The following ATP6V1G3 variants were observed in gnomAD, a reference collection of about 807,000 sequenced individuals.
ATP6V1G3 encodes V-type proton ATPase subunit G 3.
Under a neutral mutation model 9.3 loss-of-function variants are expected in ATP6V1G3, and 9 were observed. The observed-to-expected ratio is 0.97, with a 90% CI of 0.59 to 1.69. The LOEUF (loss-of-function observed/expected upper bound fraction) is 1.69. Among genes scored for constraint, ATP6V1G3 ranks in the 40% most tolerant of loss-of-function variants. The pLI, the probability that ATP6V1G3 is intolerant of heterozygous loss-of-function variation, is 0.00. For synonymous variants in ATP6V1G3, 43 were observed against 43.8 expected (o/e 0.98, Z 0.07); for missense variants, 133 against 139.0 (o/e 0.96, Z 0.22).
At chr1:198,535,665 G>A (rs965849204) in intron 1 of ATP6V1G3, among the ~76,000 whole-genome samples, 10 of 151,986 alleles carry the variant, frequency 6.6e-5, no homozygotes, top group African/African-American at 2.4e-4. Context: ...CCTTCTATAT[G>A]CCAAGTGGTG....
chr1:198,536,768 C>T (rs1294421502), intron 1 of ATP6V1G3: 1 of 1,406,380 alleles, frequency 7.1e-7, no homozygotes, highest in Non-Finnish European at 1.0e-6. Context: ...TCATTCTAGT[C>T]TATATCATTC....
intron 2 of ATP6V1G3, among the ~76,000 whole-genome samples, chr1:198,526,684 G>A (rs951107294): frequency 6.6e-6 from 1 of 152,090 alleles, no homozygotes; most frequent in African/African-American, 2.4e-5. Flanking sequence ...CAGAGCTTCA[G>A]GTCCCATCAC....
chr1:198,526,198 A>G (rs1287899490), intron 2 of ATP6V1G3, among the ~76,000 whole-genome samples: 7 of 152,216 alleles, frequency 4.6e-5, no homozygotes, highest in Non-Finnish European at 1.0e-4. Context: ...TTCCTAGGGA[A>G]GAATTCCATA....
intron 2 of ATP6V1G3, among the ~76,000 whole-genome samples, chr1:198,528,155 A>G (rs1659738978): frequency 6.6e-6 from 1 of 152,140 alleles, no homozygotes; most frequent in Non-Finnish European, 1.5e-5. Context: ...CTTGTTTGCA[A>G]ACATTGATAA....
In ATP6V1G3 at chr1:198,523,574, C is replaced by G. The variant is rs1267506226; in HGVS notation, c.184-10G>C. On this transcript the variant is annotated splice_polypyrimidine_tract_variant and intron_variant, in intron 2 of 2. Coordinates refer to ENST00000367382, the MANE Select transcript of ATP6V1G3 (RefSeq NM_001376861.1). ...TCTGAGAGCCCATTATCTACCAAAACAAAACAGACAGAATTCACATCATAA... is the reference window on the plus strand; with the variant it reads ...TCTGAGAGCCCATTATCTACCAAAAGAAAACAGACAGAATTCACATCATAA... The G allele has an allele frequency of 2.5e-6, 4 of 1,606,856 alleles. No homozygotes were observed. The highest frequency in any genetic ancestry group is 3.4e-6 in the Non-Finnish European group (4 of 1,177,024).
chr1:198,532,169 A>G (rs1298426320), intron 1 of ATP6V1G3, among the ~76,000 whole-genome samples: 1 of 152,192 alleles, frequency 6.6e-6, no homozygotes, highest in African/African-American at 2.4e-5. Context: ...GGGCCTGTAT[A>G]TATGCTAGTT....
chr1:198,526,451 T>A (rs552226668), intron 2 of ATP6V1G3, among the ~76,000 whole-genome samples: 1 of 152,272 alleles, frequency 6.6e-6, no homozygotes, highest in South Asian at 2.1e-4. Flanking sequence ...GTTACCTGAA[T>A]GTTTGGGAGA....
chr1:198,531,308 T>A (rs1466653537), intron 1 of ATP6V1G3, among the ~76,000 whole-genome samples: 1 of 152,170 alleles, frequency 6.6e-6, no homozygotes, highest in African/African-American at 2.4e-5. Context: ...ACTGTTCTGT[T>A]AGAGGTGAAA....
In ATP6V1G3 at chr1:198,535,589, G is replaced by A. The variant is rs565394613; in HGVS notation, c.82+4980C>T. Reference sequence around the variant, plus strand: ...AAGAAATCTCCAGGACTTTTTTGCTGTTTTTGCAACAAAATTCTTTTTATT... The same window carrying A: ...AAGAAATCTCCAGGACTTTTTTGCTATTTTTGCAACAAAATTCTTTTTATT... On this transcript the variant is annotated intron_variant, in intron 1 of 2. Transcript: ENST00000367382. Among the ~76,000 whole-genome samples, 428 of 152,018 alleles carry A rather than the reference G, an allele frequency of 2.8e-3. 1 individual carries two copies. The highest frequency in any genetic ancestry group is 4.1e-3 in the Non-Finnish European group (278 of 67,950).
At chr1:198,532,086 C>A (rs2103137733) in intron 1 of ATP6V1G3, among the ~76,000 whole-genome samples, 1 of 152,138 alleles carries the variant, frequency 6.6e-6, no homozygotes, top group Non-Finnish European at 1.5e-5. Context: ...ATGCAGACGA[C>A]AGCTGGGGAG....
chr1:198,528,450 C>A (rs1163688233), intron 2 of ATP6V1G3, among the ~76,000 whole-genome samples: 1 of 151,930 alleles, frequency 6.6e-6, no homozygotes, highest in Non-Finnish European at 1.5e-5. Flanking sequence ...TTCTTTTAGC[C>A]CATGTTGCAA....
At chr1:198,525,276 G>A (rs191514532) in intron 2 of ATP6V1G3, among the ~76,000 whole-genome samples, 2 of 152,174 alleles carry the variant, frequency 1.3e-5, no homozygotes, top group East Asian at 3.9e-4. Context: ...TAAATTCAGT[G>A]TCTTCTAGTG....
chr1:198,524,342 C>G (rs1659575133), intron 2 of ATP6V1G3, among the ~76,000 whole-genome samples: 1 of 151,994 alleles, frequency 6.6e-6, no homozygotes, highest in South Asian at 2.1e-4. Flanking sequence ...CCAGGCTGGT[C>G]TCGAACTCCT....
At chr1:198,531,990 G>C (rs1044634862) in intron 1 of ATP6V1G3, among the ~76,000 whole-genome samples, 3 of 152,068 alleles carry the variant, frequency 2.0e-5, no homozygotes, top group African/African-American at 7.2e-5. Context: ...AAAAGGCAAG[G>C]GGTAAAGCGT....
intron 1 of ATP6V1G3, chr1:198,536,629 C>A: frequency 1.4e-6 from 2 of 1,467,314 alleles, no homozygotes; most frequent in Non-Finnish European, 1.9e-6. Context: ...TAAATATAAC[C>A]TGTAATCAGT....
At chr1:198,527,296 T>C (rs1274528167) in intron 2 of ATP6V1G3, among the ~76,000 whole-genome samples, 5 of 152,176 alleles carry the variant, frequency 3.3e-5, no homozygotes, top group African/African-American at 7.2e-5. Context: ...GACCTTTCTA[T>C]GTGAGCTTTT....
At chr1:198,527,820 T>C (rs1268730908) in intron 2 of ATP6V1G3, among the ~76,000 whole-genome samples, 1 of 152,120 alleles carries the variant, frequency 6.6e-6, no homozygotes, top group Non-Finnish European at 1.5e-5. Context: ...CAGATAATGC[T>C]AAGTGCTATG....
rs371673303 is a variant in ATP6V1G3, at chr1:198,540,639, C to T, written c.12G>A (p.Gln4=). The change falls in exon 1 of 3, where the codon CAG becomes CAA. Residue 4 remains glutamine (Q), a synonymous_variant. Transcript: ENST00000367382. The part of the protein sequence containing the change: MTS[Q]SQGIHQLLQA... ...GAAGAAGCTGGTGGATCCCCTGAGA[C>T]TGGCTTGTCATGGTAGTCTGCTCCA... 3 of 1,613,942 alleles carry T rather than the reference C, an allele frequency of 1.9e-6. No individual in the cohort carries two copies. Among genetic ancestry groups the T allele is most frequent in the African/African-American group, 2.7e-5 (2 of 74,922 alleles).
intron 1 of ATP6V1G3, among the ~76,000 whole-genome samples, chr1:198,531,311 A>C (rs1659889643): frequency 6.6e-6 from 1 of 152,164 alleles, no homozygotes; most frequent in Non-Finnish European, 1.5e-5. Context: ...GTTCTGTTAG[A>C]GGTGAAACAA....
Sources: gnomAD v4.1 joint callset for allele counts (sites outside exome capture counted in the v4.1 genomes callset) on GRCh38, gnomAD v4.1.1 for gene constraint, MANE v1.5 for transcripts, NCBI Gene and HGNC (gene_info 2026-07-23, HGNC 2026-07-21) for gene names.